ATRN: variants seen among roughly 807,000 people sequenced by gnomAD.
The protein encoded by ATRN is attractin-2.
ATRN carries 54 observed loss-of-function variants against 178.7 expected under a neutral mutation model. The ratio of observed to expected loss-of-function variants is 0.30; its 90% CI spans 0.24 to 0.38. The LOEUF is 0.38. Ranked by LOEUF, ATRN falls within the 10% of genes least tolerant of loss-of-function variation. ATRN has a pLI of 1.00. For missense variants in ATRN, 1,443 were observed against 1,815.1 expected (o/e 0.79, Z 3.73); for synonymous variants, 636 against 663.0 (o/e 0.96, Z 0.63).
At chr20:3,590,115 A>T (rs2086418728) in intron 18 of ATRN, among the ~76,000 whole-genome samples, 2 of 151,942 alleles carry the variant, frequency 1.3e-5, no homozygotes, top group South Asian at 2.1e-4. Context: ...ACCTCTGGCT[A>T]ATTTTTTGTA....
intron 2 of ATRN, among the ~76,000 whole-genome samples, chr20:3,538,854 CTG>C (rs987868743): frequency 2.0e-5 from 3 of 152,198 alleles, no homozygotes; most frequent in Non-Finnish European, 4.4e-5. Flanking sequence ...TCTCTGTTTG[CTG>C]TGTTTCAGAT....
intron 24 of ATRN, among the ~76,000 whole-genome samples, chr20:3,623,242 C>A (rs1468750106): frequency 6.6e-6 from 1 of 152,122 alleles, no homozygotes; most frequent in Non-Finnish European, 1.5e-5. Flanking sequence ...TTCCTTCTCT[C>A]AAGGAGCTAG....
chr20:3,471,243 G>A lies in ATRN; in HGVS notation c.136G>A (p.Gly46Arg). 1 of 1,445,548 alleles carries A rather than the reference G, an allele frequency of 6.9e-7. No homozygotes were observed. The highest frequency in any genetic ancestry group is 9.0e-7 in the Non-Finnish European group (1 of 1,109,230). The allele number at this position is 1,445,548 out of a possible 1,614,324, so 89.5% of individuals were successfully genotyped here. A position where few individuals can be genotyped will look rare whatever the true frequency, so the allele number is the denominator to read the frequency against. The change falls in exon 1 of 29, where the codon GGG (glycine) becomes AGG (arginine). Residue 46 changes from glycine (G) to arginine (R), a missense_variant. Transcript: ENST00000262919. Reference sequence around the variant, plus strand: ...GGCTGGGAGGCCGGGGCTGGGGGCCGGGCTGCGCCTCCCGCGGCTGCTGTC... The same window carrying A: ...GGCTGGGAGGCCGGGGCTGGGGGCCAGGCTGCGCCTCCCGCGGCTGCTGTC... ...TRAGRPGLGAGLRLPRLLSPP... is the reference protein window; with the variant it reads ...TRAGRPGLGARLRLPRLLSPP...
At chr20:3,590,512 G>T (rs1209396479) in intron 18 of ATRN, among the ~76,000 whole-genome samples, 2 of 152,134 alleles carry the variant, frequency 1.3e-5, no homozygotes, top group African/African-American at 4.8e-5. Flanking sequence ...TACCTTTCTA[G>T]TTGTAAAGCC....
intron 1 of ATRN, among the ~76,000 whole-genome samples, chr20:3,505,162 A>G (rs1453402781): frequency 1.3e-5 from 2 of 152,214 alleles, no homozygotes; most frequent in Non-Finnish European, 2.9e-5. Context: ...CCCCTGCCTA[A>G]TATGGGTGGC....
At chr20:3,614,085 TGCA>T (rs1230744342) in intron 24 of ATRN, among the ~76,000 whole-genome samples, 1 of 152,192 alleles carries the variant, frequency 6.6e-6, no homozygotes, top group African/African-American at 2.4e-5. Flanking sequence ...TCTTTGTAGA[TGCA>T]GCTAAAAAAC....
chr20:3,499,583 A>C (rs2084927831), intron 1 of ATRN, among the ~76,000 whole-genome samples: 1 of 151,166 alleles, frequency 6.6e-6, no homozygotes, highest in African/African-American at 2.4e-5. Flanking sequence ...AGCATTGGGG[A>C]AAGGATTCCC....
intron 24 of ATRN, 110 bp downstream of exon 24, chr20:3,604,372 G>C: frequency 1.5e-6 from 2 of 1,306,026 alleles, no homozygotes; most frequent in Non-Finnish European, 2.1e-6. Flanking sequence ...ATGTGGCTTT[G>C]CCTTTGTAAC....
Position 3,471,445 on chromosome 20 carries a change from C to A in ATRN, c.338C>A (p.Pro113His). 1 of 1,448,448 alleles carries A rather than the reference C, an allele frequency of 6.9e-7. No homozygotes were observed. The highest frequency in any genetic ancestry group is 9.0e-7 in the Non-Finnish European group (1 of 1,107,984). The allele number at this position is 1,448,448 out of a possible 1,614,324, so 89.7% of individuals were successfully genotyped here. ...RPCVNGGRCNPGTGQCVCPAG... is the reference protein window; with the variant it reads ...RPCVNGGRCNHGTGQCVCPAG... ...TGTGTCAACGGCGGTCGCTGCAACCCTGGCACCGGCCAGTGCGTCTGCCCC... is the reference window on the plus strand; with the variant it reads ...TGTGTCAACGGCGGTCGCTGCAACCATGGCACCGGCCAGTGCGTCTGCCCC... The change falls in exon 1 of 29, where the codon CCT (proline) becomes CAT (histidine). Residue 113 changes from proline to histidine, a missense_variant. Around this residue, in one of 4 missense-constraint regions of ATRN, gnomAD observed 862 missense variants for 972.1 expected, o/e 0.89. Transcript: ENST00000262919.
At chr20:3,497,376 G>T (rs1161581421) in intron 1 of ATRN, among the ~76,000 whole-genome samples, 1 of 151,950 alleles carries the variant, frequency 6.6e-6, no homozygotes, top group Non-Finnish European at 1.5e-5. Context: ...GAATCTCTCA[G>T]CATTTGCTTG....
intron 27 of ATRN, among the ~76,000 whole-genome samples, chr20:3,641,754 A>T (rs906086918): frequency 1.3e-5 from 2 of 152,118 alleles, no homozygotes; most frequent in Admixed American, 6.5e-5. Context: ...CCTTCCGAGA[A>T]CAAGGATGAA....
chr20:3,620,491 C>T (rs2086888773), intron 24 of ATRN, among the ~76,000 whole-genome samples: 1 of 145,272 alleles, frequency 6.9e-6, no homozygotes, highest in South Asian at 2.1e-4. Flanking sequence ...AGTGATCCAC[C>T]CACCTCAGCC....
chr20:3,542,848 G>C, intron 3 of ATRN, among the ~76,000 whole-genome samples: 1 of 145,664 alleles, frequency 6.9e-6, no homozygotes, highest in Non-Finnish European at 1.5e-5. Flanking sequence ...CATGTTGCCC[G>C]GGCTGGTCTT....
intron 24 of ATRN, among the ~76,000 whole-genome samples, chr20:3,613,306 G>A (rs772521151): frequency 8.5e-5 from 13 of 152,266 alleles, no homozygotes; most frequent in East Asian, 1.9e-4. Context: ...GACTAGGCCC[G>A]TGTCACCGTG....
chr20:3,533,640 A>G, intron 1 of ATRN, among the ~76,000 whole-genome samples: 1 of 151,904 alleles, frequency 6.6e-6, no homozygotes, highest in East Asian at 1.9e-4. Flanking sequence ...AGTATAGAAC[A>G]GCATTAGGTC....
At chr20:3,627,550 T>C (rs1224202490) in intron 25 of ATRN, among the ~76,000 whole-genome samples, 3 of 152,030 alleles carry the variant, frequency 2.0e-5, no homozygotes, top group Non-Finnish European at 4.4e-5. Context: ...AAGAATAATA[T>C]TGACAAACCC....
At chr20:3,614,715 G>C (rs998943520) in intron 24 of ATRN, among the ~76,000 whole-genome samples, 1 of 152,160 alleles carries the variant, frequency 6.6e-6, no homozygotes, top group African/African-American at 2.4e-5. Context: ...ATTCACAGAA[G>C]CGTGCAGCCA....
chr20:3,498,136 A>G (rs892022752), intron 1 of ATRN, among the ~76,000 whole-genome samples: 2 of 152,322 alleles, frequency 1.3e-5, no homozygotes, highest in African/African-American at 4.8e-5. Flanking sequence ...AACCAGGAAG[A>G]AGTTGAATCT....
Position 3,645,487 on chromosome 20 carries a change from A to C in ATRN, c.4165+1219A>C, listed in dbSNP as rs928132743. Among the ~76,000 whole-genome samples, 1 of 152,196 alleles carries C rather than the reference A, an allele frequency of 6.6e-6. No homozygotes were observed. Among genetic ancestry groups the C allele is most frequent in the Non-Finnish European group, 1.5e-5 (1 of 68,014 alleles). Reference sequence around the variant, plus strand: ...CTCCTGCCACCGCCCAGCCCAGCAAACAGTGGCTGGTGTGCCCTGAGGGCA... The same window carrying C: ...CTCCTGCCACCGCCCAGCCCAGCAACCAGTGGCTGGTGTGCCCTGAGGGCA... On this transcript the variant is annotated intron_variant, in intron 28 of 28. Transcript: ENST00000262919. The surrounding 1 kb of genome is among the most constrained non-coding windows in gnomAD (Gnocchi z 4.7).
Sources: allele counts gnomAD v4.1 joint callset (sites outside exome capture counted in the v4.1 genomes callset), GRCh38; gene constraint gnomAD v4.1.1; regional missense constraint gnomAD v4.1.1; non-coding constraint Gnocchi (gnomAD v3.1); transcripts MANE v1.5; gene names NCBI Gene and HGNC (gene_info 2026-07-23, HGNC 2026-07-21).